The following BMPR2 variants were observed in gnomAD, a reference collection of about 807,000 sequenced individuals.
BMPR2 encodes the protein bone morphogenetic protein receptor type-2.
BMPR2 carries 29 observed loss-of-function variants against 100.8 expected under a neutral mutation model. The observed-to-expected ratio is 0.29, with a 90% confidence interval of 0.21 to 0.39. BMPR2 has a LOEUF of 0.39. Among genes scored for constraint, BMPR2 ranks in the 10% least tolerant of loss-of-function variants. The pLI, the probability that BMPR2 is intolerant of heterozygous loss-of-function variation, is 1.00. For synonymous variants in BMPR2, 382 were observed against 442.3 expected (o/e 0.86, Z 1.71); for missense variants, 1,011 against 1,274.5 (o/e 0.79, Z 3.15).
intron 1 of BMPR2, among the ~76,000 whole-genome samples, chr2:202,423,522 G>A (rs773087648): frequency 6.6e-6 from 1 of 152,162 alleles, no homozygotes; most frequent in African/African-American, 2.4e-5. Context: ...AGGATGGGGT[G>A]GGAGGATTGC....
At chr2:202,475,836 C>G (rs1355038866) in intron 3 of BMPR2, among the ~76,000 whole-genome samples, 1 of 151,888 alleles carries the variant, frequency 6.6e-6, no homozygotes, top group Non-Finnish European at 1.5e-5. Context: ...TTTGGGAGGC[C>G]AAAGTGGGCA....
rs1319753075 is a variant in BMPR2 at position 202,470,456 on chromosome 2, T to C, written c.418+2767T>C. Among the ~76,000 whole-genome samples the C allele has an allele frequency of 7.9e-5, 12 of 152,114 alleles. No homozygotes were observed. In the East Asian group the frequency reaches 2.3e-3, roughly 29 times the overall value. ...GGGACATCTTGTAATGTTTTAATAA[T>C]TTTTGTAAGAAAGTAAGGAAAGAGG... On this transcript the variant is annotated intron_variant, in intron 3 of 12. Coordinates refer to ENST00000374580, the MANE Select transcript of BMPR2 (RefSeq NM_001204.7).
chr2:202,444,025 C>T (rs934584422), intron 1 of BMPR2, among the ~76,000 whole-genome samples: 4 of 150,608 alleles, frequency 2.7e-5, no homozygotes, highest in Non-Finnish European at 5.9e-5. Flanking sequence ...GTACTACCAC[C>T]GGTTGTAGTG....
intron 3 of BMPR2, among the ~76,000 whole-genome samples, chr2:202,498,490 C>T (rs1433306643): frequency 6.6e-6 from 1 of 150,468 alleles, no homozygotes; most frequent in Non-Finnish European, 1.5e-5. Context: ...GGGACAGTTG[C>T]ATGTTCTTGG....
intron 3 of BMPR2, among the ~76,000 whole-genome samples, chr2:202,492,072 A>G (rs752475425): frequency 1.3e-5 from 2 of 152,220 alleles, no homozygotes; most frequent in African/African-American, 4.8e-5. Flanking sequence ...TTCCATTTAT[A>G]TAAAATTCAG....
chr2:202,487,549 A>G (rs1003346933), intron 3 of BMPR2, among the ~76,000 whole-genome samples: 4 of 152,214 alleles, frequency 2.6e-5, no homozygotes, highest in African/African-American at 7.2e-5. Context: ...TCACAAATCA[A>G]TGCAAACGCC....
chr2:202,410,711 C>G (rs1163825921), intron 1 of BMPR2, among the ~76,000 whole-genome samples: 2 of 152,058 alleles, frequency 1.3e-5, no homozygotes, highest in African/African-American at 2.4e-5. Context: ...ACCCGAGCAG[C>G]TGGGACTACA....
intron 3 of BMPR2, among the ~76,000 whole-genome samples, chr2:202,473,425 C>T (rs1692474727): frequency 1.3e-5 from 2 of 152,026 alleles, no homozygotes; most frequent in African/African-American, 4.8e-5. Flanking sequence ...GCACTCCAGC[C>T]TAGGCTACAG....
intron 1 of BMPR2, among the ~76,000 whole-genome samples, chr2:202,394,176 C>T (rs1289916671): frequency 2.0e-5 from 3 of 151,890 alleles, no homozygotes; most frequent in Non-Finnish European, 4.4e-5. Flanking sequence ...ATGGTGAAAC[C>T]CTTTCTCTAC....
chr2:202,540,685 C>G (rs953091635), intron 9 of BMPR2, among the ~76,000 whole-genome samples: 1 of 152,064 alleles, frequency 6.6e-6, no homozygotes, highest in Non-Finnish European at 1.5e-5. Flanking sequence ...CCATCTGGGT[C>G]ATTATAACTT....
intron 3 of BMPR2, among the ~76,000 whole-genome samples, chr2:202,477,829 G>C (rs1692581051): frequency 6.6e-6 from 1 of 152,052 alleles, no homozygotes; most frequent in African/African-American, 2.4e-5. Context: ...ATAGGAAGTT[G>C]TTCCTGAAAA....
intron 1 of BMPR2, among the ~76,000 whole-genome samples, chr2:202,442,274 C>T (rs1272354446): frequency 6.6e-6 from 1 of 150,420 alleles, no homozygotes; most frequent in African/African-American, 2.5e-5. Context: ...CACACACACT[C>T]CCCTATCCCA....
intron 1 of BMPR2, among the ~76,000 whole-genome samples, chr2:202,422,528 G>A (rs538725768): frequency 5.3e-5 from 8 of 151,786 alleles, no homozygotes; most frequent in African/African-American, 1.2e-4. Context: ...GGATGGTCTC[G>A]ATCTCGTGAC....
chr2:202,551,406 C>A (rs1282209403), intron 10 of BMPR2, among the ~76,000 whole-genome samples: 1 of 150,492 alleles, frequency 6.6e-6, no homozygotes, highest in Non-Finnish European at 1.5e-5. Context: ...CGCCTATAAT[C>A]TCAGCTACTC....
At chr2:202,417,371 C>T (rs957560100) in intron 1 of BMPR2, among the ~76,000 whole-genome samples, 6 of 151,804 alleles carry the variant, frequency 4.0e-5, no homozygotes, top group South Asian at 2.1e-4. Context: ...GGCACGATCT[C>T]GGCTCACCGC....
chr2:202,448,400 T>C (rs1300202946), intron 1 of BMPR2, among the ~76,000 whole-genome samples: 1 of 149,244 alleles, frequency 6.7e-6, no homozygotes, highest in African/African-American at 2.5e-5. Flanking sequence ...TGAGCCGAGA[T>C]TGTGCCACTG....
intron 3 of BMPR2, among the ~76,000 whole-genome samples, chr2:202,472,110 A>G (rs777355064): frequency 6.6e-6 from 1 of 152,216 alleles, no homozygotes; most frequent in African/African-American, 2.4e-5. Flanking sequence ...AAGTTAAAAT[A>G]TAGCACATCT....
At chr2:202,534,978 G>T (rs1365201782) in intron 9 of BMPR2, among the ~76,000 whole-genome samples, 1 of 144,350 alleles carries the variant, frequency 6.9e-6, no homozygotes, top group Non-Finnish European at 1.6e-5. Context: ...CTGGCCGGGC[G>T]GGTGGCTGAC....
At chr2:202,519,861 CAT>C (rs1687788793) in intron 6 of BMPR2, among the ~76,000 whole-genome samples, 2 of 152,090 alleles carry the variant, frequency 1.3e-5, no homozygotes, top group South Asian at 4.1e-4. Flanking sequence ...ATATTAGAGA[CAT>C]AAAAATTTAT....
Sources: gnomAD v4.1 joint callset for allele counts (sites outside exome capture counted in the v4.1 genomes callset) on GRCh38, gnomAD v4.1.1 for gene constraint, MANE v1.5 for transcripts, NCBI Gene and HGNC (gene_info 2026-07-23, HGNC 2026-07-21) for gene names.